KDM7A: variants seen among roughly 807,000 people sequenced by gnomAD.
The protein encoded by KDM7A is lysine-specific demethylase 7A.
KDM7A carries 28 observed loss-of-function variants against 114.8 expected under a neutral mutation model. The observed-to-expected ratio is 0.24, with a 90% confidence interval of 0.18 to 0.33. KDM7A has a LOEUF of 0.33. Among genes scored for constraint, KDM7A ranks in the 10% least tolerant of loss-of-function variants. The probability of loss-of-function intolerance (pLI) is 1.00; values close to 1 mark genes in which losing one functional copy is unlikely to be tolerated. For missense variants in KDM7A, 942 were observed against 1,142.5 expected (o/e 0.82, Z 2.53); for synonymous variants, 423 against 397.8 (o/e 1.06, Z -0.75).
Position 140,088,319 on chromosome 7 carries a change from T to C in KDM7A, c.*2775A>G. Reference sequence around the variant, plus strand: ...TGTGACATTGTAAATTATAATCCAATGGATCCCAGCTGAACAGTCACTTAT... The same window carrying C: ...TGTGACATTGTAAATTATAATCCAACGGATCCCAGCTGAACAGTCACTTAT... On this transcript the variant is annotated 3_prime_UTR_variant, in exon 20 of 20. Transcript: ENST00000397560. The C allele has an allele frequency of 2.6e-6, 1 of 390,850 alleles. No individual in the cohort carries two copies. The highest frequency in any genetic ancestry group is 4.5e-6 in the Non-Finnish European group (1 of 221,394). 24.2% of individuals were successfully genotyped at this position (390,850 alleles called of 1,614,324 possible).
intron 9 of KDM7A, among the ~76,000 whole-genome samples, chr7:140,117,754 C>G (rs927092494): frequency 6.6e-6 from 1 of 152,198 alleles, no homozygotes; most frequent in Admixed American, 6.5e-5. Flanking sequence ...GTATGACACT[C>G]TACAGTCCAT....
In KDM7A at chr7:140,120,474, G is replaced by C; in HGVS notation, c.1107C>G (p.Phe369Leu). Residue 369 changes from phenylalanine to leucine, a missense_variant, in exon 8 of 20, where the codon TTC becomes TTG. By Grantham distance (22) the Phe-to-Leu change is conservative. This residue lies in a region of KDM7A where 318 missense variants were observed against 453.1 expected (regional missense o/e 0.70). Transcript: ENST00000397560. The stretch of plus-strand genomic sequence containing the variant: ...GCATGCCAATGTTAAGGTTGTGCAG[G>C]AAGTTCCCCCCAAAAGCCATACAGT... ...SQDCMAFGGN[F>L]LHNLNIGMQL... 1 of 1,612,964 alleles carries C rather than the reference G, an allele frequency of 6.2e-7. No homozygotes were observed. The highest frequency in any genetic ancestry group is 8.5e-7 in the Non-Finnish European group (1 of 1,179,094).
At chr7:140,127,646 C>A in intron 4 of KDM7A, 63 bp from the exon 5 acceptor site, 1 of 1,342,482 alleles carries the variant, frequency 7.4e-7, no homozygotes, top group Non-Finnish European at 1.1e-6. Flanking sequence ...ATGCTCTAAT[C>A]AAAAAATATT....
intron 1 of KDM7A, among the ~76,000 whole-genome samples, chr7:140,158,103 C>T (rs62491429): frequency 0.011 from 1,669 of 152,038 alleles, 12 homozygotes; most frequent in Non-Finnish European, 0.015. Context: ...AAGAGATGTT[C>T]CCCAGAGAAA....
intron 1 of KDM7A, among the ~76,000 whole-genome samples, chr7:140,140,004 C>A (rs907027781): frequency 2.6e-5 from 4 of 152,134 alleles, no homozygotes; most frequent in African/African-American, 9.7e-5. Context: ...AATTGACCCA[C>A]AAACAAGACT....
chr7:140,145,282 T>C (rs761124945), intron 1 of KDM7A, among the ~76,000 whole-genome samples: 5 of 152,178 alleles, frequency 3.3e-5, no homozygotes, highest in East Asian at 1.9e-4. Context: ...AATTAAAGGA[T>C]GACCCGTGAA....
At chr7:140,175,200 T>C (rs1045160808) in intron 1 of KDM7A, among the ~76,000 whole-genome samples, 1 of 152,236 alleles carries the variant, frequency 6.6e-6, no homozygotes, top group Non-Finnish European at 1.5e-5. Context: ...TCGGCTAGCC[T>C]GAAAACTGAT....
At chr7:140,137,349 T>C (rs1205336326) in intron 2 of KDM7A, among the ~76,000 whole-genome samples, 1 of 152,214 alleles carries the variant, frequency 6.6e-6, no homozygotes, top group Non-Finnish European at 1.5e-5. Flanking sequence ...AAAAATGAAG[T>C]GTATCACATT....
chr7:140,141,960 T>C (rs1008161672), intron 1 of KDM7A, among the ~76,000 whole-genome samples: 13 of 149,214 alleles, frequency 8.7e-5, no homozygotes, highest in Non-Finnish European at 1.6e-4. Context: ...ATGTAAAATA[T>C]ATTTATATAA....
intron 1 of KDM7A, among the ~76,000 whole-genome samples, chr7:140,143,980 T>C (rs1474390071): frequency 6.6e-6 from 1 of 152,374 alleles, no homozygotes; most frequent in East Asian, 1.9e-4. Flanking sequence ...ATAAATGTTA[T>C]ACAAAATTGT....
At chr7:140,157,990 A>AT (rs1466804723) in intron 1 of KDM7A, among the ~76,000 whole-genome samples, 22 of 113,542 alleles carry the variant, frequency 1.9e-4, no homozygotes, top group African/African-American at 7.7e-4. Context: ...AAATAAATAA[A>AT]TAAATAATAA....
At chr7:140,147,682 C>G (rs953061831) in intron 1 of KDM7A, among the ~76,000 whole-genome samples, 1 of 152,156 alleles carries the variant, frequency 6.6e-6, no homozygotes, top group African/African-American at 2.4e-5. Context: ...TCCGGGAATA[C>G]AGAGGATAGC....
intron 10 of KDM7A, among the ~76,000 whole-genome samples, chr7:140,111,697 G>A (rs181435567): frequency 7.9e-5 from 12 of 152,280 alleles, no homozygotes; most frequent in East Asian, 3.9e-4. Flanking sequence ...AGTGACTCAC[G>A]CCTGTAATCC....
intron 1 of KDM7A, among the ~76,000 whole-genome samples, chr7:140,148,616 T>C (rs1026207953): frequency 3.3e-5 from 5 of 152,360 alleles, no homozygotes; most frequent in South Asian, 2.1e-4. Context: ...AGGATGCCAA[T>C]AGGCATTTTC....
intron 1 of KDM7A, among the ~76,000 whole-genome samples, chr7:140,162,326 ACT>A (rs1382445506): frequency 7.0e-6 from 1 of 143,502 alleles, no homozygotes; most frequent in African/African-American, 2.6e-5. Flanking sequence ...AAAGAGTGAA[ACT>A]CAGTCTCCCA....
rs1448225748 is a variant in KDM7A, at chr7:140,119,209, T to A, written c.1150A>T (p.Met384Leu). The A allele has an allele frequency of 6.3e-7, 1 of 1,590,446 alleles. No homozygotes were observed. The highest frequency in any genetic ancestry group is 1.7e-5 in the Admixed American group (1 of 59,570). The change falls in exon 9 of 20, where the codon ATG (methionine) becomes TTG (leucine). Residue 384 changes from methionine (M) to leucine (L), a missense_variant. Transcript: ENST00000397560. ...TCTGGTGTTTTTAGCCTTTTCTCCA[T>A]CTCATAACACCTAAATGAGTTTGAA... Reference protein sequence around the residue: ...NIGMQLRCYEMEKRLKTPDLF... With the variant: ...NIGMQLRCYELEKRLKTPDLF...
chr7:140,154,045 T>C (rs963338191), intron 1 of KDM7A, among the ~76,000 whole-genome samples: 13 of 152,236 alleles, frequency 8.5e-5, no homozygotes, highest in Admixed American at 2.6e-4. Flanking sequence ...TCTGTACTTA[T>C]GCATTCATAG....
rs373418593 is a variant in KDM7A at position 140,135,430 on chromosome 7, T to C, written c.281-1774A>G. Among the ~76,000 whole-genome samples, 16 of 152,246 alleles carry C rather than the reference T, an allele frequency of 1.1e-4. No individual in the cohort carries two copies. The East Asian group carries it at 1.7e-3, about 17-fold the overall frequency. On this transcript the variant is annotated intron_variant, in intron 2 of 19. Coordinates refer to ENST00000397560, the MANE Select transcript of KDM7A (RefSeq NM_030647.2). ...GTTGGCCAGGATGGTCTCGATCTCCTGACCTTGTGATCCGCCCACCTTGGC... is the reference window on the plus strand; with the variant it reads ...GTTGGCCAGGATGGTCTCGATCTCCCGACCTTGTGATCCGCCCACCTTGGC...
chr7:140,159,303 T>C (rs1462337865), intron 1 of KDM7A, among the ~76,000 whole-genome samples: 2 of 152,052 alleles, frequency 1.3e-5, no homozygotes, highest in Non-Finnish European at 2.9e-5. Context: ...GCCGAGTTCA[T>C]GCCGCTGCAC....
Sources: allele counts gnomAD v4.1 joint callset (sites outside exome capture counted in the v4.1 genomes callset), GRCh38; gene constraint gnomAD v4.1.1; regional missense constraint gnomAD v4.1.1; transcripts MANE v1.5; gene names NCBI Gene and HGNC (gene_info 2026-07-23, HGNC 2026-07-21).